Variants in DPP10 observed in about 807,000 individuals in gnomAD.
The protein encoded by DPP10 is inactive dipeptidyl peptidase 10.
DPP10 carries 33 observed loss-of-function variants against 120.9 expected under a neutral mutation model. The observed-to-expected ratio is 0.27, with a 90% confidence interval of 0.21 to 0.37. The LOEUF (loss-of-function observed/expected upper bound fraction) is 0.37. Among genes scored for constraint, DPP10 ranks in the 10% least tolerant of loss-of-function variants. The pLI is 1.00. For missense variants in DPP10, 816 were observed against 942.8 expected (o/e 0.87, Z 1.76); for synonymous variants, 337 against 326.1 (o/e 1.03, Z -0.36).
intron 2 of DPP10, among the ~76,000 whole-genome samples, chr2:115,330,557 T>G (rs1248010570): frequency 6.6e-6 from 1 of 152,162 alleles, no homozygotes; most frequent in Admixed American, 6.6e-5. Context: ...CTAGGGTTTT[T>G]ATGGTTTTAA....
At chr2:114,478,585 G>T (rs531628721) in intron 1 of DPP10, among the ~76,000 whole-genome samples, 1 of 151,938 alleles carries the variant, frequency 6.6e-6, no homozygotes, top group South Asian at 2.1e-4. Flanking sequence ...AAATAAATAA[G>T]GAAGGAAGGA....
rs566167487 is a variant in DPP10, at chr2:114,650,294, G to A, written c.60+207456G>A. Among the ~76,000 whole-genome samples, 185 of 152,244 alleles carry A rather than the reference G, an allele frequency of 1.2e-3. 1 individual carries two copies. Among genetic ancestry groups the A allele is most frequent in the African/African-American group, 4.3e-3 (178 of 41,530 alleles). On this transcript the variant is annotated intron_variant, in intron 1 of 25. Transcript: ENST00000410059. ...GAGAAAAATTAGAGATGGGGATCCT[G>A]TTACCTTGAAGGGCAGGGATGCCTG...
chr2:114,546,915 G>A (rs915728770), intron 1 of DPP10, among the ~76,000 whole-genome samples: 6 of 152,210 alleles, frequency 3.9e-5, no homozygotes, highest in Non-Finnish European at 4.4e-5. Flanking sequence ...CTGTCTGTTG[G>A]ATTTTATTCT....
intron 1 of DPP10, among the ~76,000 whole-genome samples, chr2:114,653,344 C>T (rs934704783): frequency 1.1e-4 from 17 of 152,038 alleles, no homozygotes; most frequent in South Asian, 8.3e-4. Context: ...AGGCAAGGGA[C>T]GGAATTTCCC....
chr2:115,760,700 A>G (rs552642709), intron 11 of DPP10, among the ~76,000 whole-genome samples: 6 of 152,282 alleles, frequency 3.9e-5, no homozygotes, highest in African/African-American at 7.2e-5. Flanking sequence ...TAGAAAATTC[A>G]TCTCTTTCTT....
At chr2:115,527,087 G>C (rs987755028) in intron 5 of DPP10, among the ~76,000 whole-genome samples, 1 of 152,058 alleles carries the variant, frequency 6.6e-6, no homozygotes, top group Non-Finnish European at 1.5e-5. Flanking sequence ...AGCTTGAAAA[G>C]TCTGCTATAT....
intron 21 of DPP10, among the ~76,000 whole-genome samples, chr2:115,835,692 T>C (rs1397511473): frequency 1.3e-5 from 2 of 152,200 alleles, no homozygotes; most frequent in African/African-American, 4.8e-5. Context: ...TAAAACAATC[T>C]AAATTTTTGG....
chr2:114,556,234 C>CATATAGAT (rs1688289697), intron 1 of DPP10, among the ~76,000 whole-genome samples: 1 of 86,956 alleles, frequency 1.2e-5, no homozygotes, highest in Non-Finnish European at 2.1e-5. Flanking sequence ...ATAGATGATA[C>CATATAGAT]ATATATATAT....
At chr2:115,089,774 A>T (rs539090795) in intron 1 of DPP10, among the ~76,000 whole-genome samples, 4 of 152,222 alleles carry the variant, frequency 2.6e-5, no homozygotes, top group Non-Finnish European at 5.9e-5. Flanking sequence ...GGAACATTTA[A>T]AAGTTCAGAA....
At chr2:114,850,525 G>A in intron 1 of DPP10, among the ~76,000 whole-genome samples, 1 of 152,096 alleles carries the variant, frequency 6.6e-6, no homozygotes, top group South Asian at 2.1e-4. Flanking sequence ...TACATCATTA[G>A]GAAGGCATTT....
intron 5 of DPP10, among the ~76,000 whole-genome samples, chr2:115,549,834 C>G (rs2079763631): frequency 6.6e-6 from 1 of 152,120 alleles, no homozygotes; most frequent in Middle Eastern, 3.2e-3. Context: ...TTGTCTTTAT[C>G]CACCGTCCAT....
At chr2:115,064,786 C>A in intron 1 of DPP10, 1 of 1,304,156 alleles carries the variant, frequency 7.7e-7, no homozygotes, top group South Asian at 1.2e-5. Flanking sequence ...GCTGAGGGAC[C>A]AGTAGATGGT....
At chr2:115,098,604 T>A (rs1272910717) in intron 1 of DPP10, among the ~76,000 whole-genome samples, 1 of 152,148 alleles carries the variant, frequency 6.6e-6, no homozygotes, top group African/African-American at 2.4e-5. Context: ...AATTCAGTAC[T>A]ATAATCTTAC....
intron 10 of DPP10, among the ~76,000 whole-genome samples, chr2:115,749,770 C>T (rs1678469503): frequency 6.6e-6 from 1 of 152,136 alleles, no homozygotes. Context: ...AAAGTAACTA[C>T]ACCGCACAAA....
chr2:114,807,898 C>T (rs1283550382), intron 1 of DPP10, among the ~76,000 whole-genome samples: 2 of 152,156 alleles, frequency 1.3e-5, no homozygotes, highest in Admixed American at 6.5e-5. Flanking sequence ...TGGAGTCTTC[C>T]TCATTTACAT....
At chr2:115,750,183 G>C in intron 10 of DPP10, 8 of 985,052 alleles carry the variant, frequency 8.1e-6, no homozygotes, top group Non-Finnish European at 8.4e-6. Context: ...CAACGAGTGT[G>C]ACATTTCCAG....
At chr2:115,720,525 T>C (rs2092621026) in intron 7 of DPP10, among the ~76,000 whole-genome samples, 1 of 152,234 alleles carries the variant, frequency 6.6e-6, no homozygotes, top group Non-Finnish European at 1.5e-5. Flanking sequence ...GATGATGGAA[T>C]TCAAGGTGTC....
intron 21 of DPP10, among the ~76,000 whole-genome samples, chr2:115,823,496 T>C (rs1354767073): frequency 6.6e-6 from 1 of 152,188 alleles, no homozygotes; most frequent in Non-Finnish European, 1.5e-5. Context: ...GTTTACGCCA[T>C]CCACCAAAGA....
At chr2:114,510,955 C>T (rs2104578550) in intron 1 of DPP10, among the ~76,000 whole-genome samples, 1 of 152,260 alleles carries the variant, frequency 6.6e-6, no homozygotes, top group South Asian at 2.1e-4. Flanking sequence ...TACCAAAGAG[C>T]TTAAGTATGT....
Sources: allele counts gnomAD v4.1 joint callset (sites outside exome capture counted in the v4.1 genomes callset), GRCh38; gene constraint gnomAD v4.1.1; transcripts MANE v1.5; gene names NCBI Gene and HGNC (gene_info 2026-07-23, HGNC 2026-07-21).